The following PML variants were observed in gnomAD, a reference collection of about 807,000 sequenced individuals.
PML encodes PML nuclear body scaffold.
A neutral mutation model predicts 65.2 loss-of-function variants in PML; 28 were observed. The ratio of observed to expected loss-of-function variants is 0.43; its 90% CI spans 0.32 to 0.59. The LOEUF (loss-of-function observed/expected upper bound fraction) is 0.59, where lower values mean the gene tolerates loss of function less well. Among genes scored for constraint, PML ranks in the 20% least tolerant of loss-of-function variants. PML has a pLI of 0.08. For missense variants in PML, 1,021 were observed against 1,203.4 expected (o/e 0.85, Z 2.24); for synonymous variants, 500 against 508.8 (o/e 0.98, Z 0.23).
rs2070928858 is a variant in PML, at chr15:74,023,322, G to A, written c.1097G>A (p.Ser366Asn). The change falls in exon 3 of 9, where the codon AGC becomes AAC. Residue 366 changes from serine to asparagine, a missense_variant. Transcript: ENST00000268058. ...CGCCTGCGCCAGGAGGAGCCCCAGA[G>A]CCTGCAAGCTGCCGTGCGCACCGAT... Reference protein sequence around the residue: ...LCRLRQEEPQSLQAAVRTDGF... With the variant: ...LCRLRQEEPQNLQAAVRTDGF... The A allele has an allele frequency of 6.2e-7, 1 of 1,607,836 alleles. No individual in the cohort carries two copies. Among genetic ancestry groups the A allele is most frequent in the Non-Finnish European group, 8.5e-7 (1 of 1,179,834 alleles).
chr15:74,037,838 T>G lies in PML; in HGVS notation c.1710+3308T>G, dbSNP rs1385745076. Reference sequence around the variant, plus strand: ...AGTCTGTGTATTCTCCCAGGTGCTCTCAGCCACGCCCCTGACTTCAGTTAC... The same window carrying G: ...AGTCTGTGTATTCTCCCAGGTGCTCGCAGCCACGCCCCTGACTTCAGTTAC... On this transcript the variant is annotated intron_variant, in intron 7 of 8. Coordinates refer to ENST00000268058, the MANE Select transcript of PML (RefSeq NM_033238.3). This position sits in a 1 kb window ranked among gnomAD's most constrained non-coding sequence, Gnocchi z 4.2. The G allele has an allele frequency of 2.1e-6, 1 of 478,374 alleles. No homozygotes were observed. Among genetic ancestry groups the G allele is most frequent in the Non-Finnish European group, 2.7e-6 (1 of 366,424 alleles). The allele number at this position is 478,374 out of a possible 1,614,324, so 29.6% of individuals were successfully genotyped here.
In PML at chr15:73,998,125, C is replaced by T. The variant is rs771298279; in HGVS notation, c.251C>T (p.Ser84Leu). Reference sequence around the variant, plus strand: ...CTGTGCTCAGGATGCCTGGAGGCGTCGGGCATGCAGTGCCCCATCTGCCAG... The same window carrying T: ...CTGTGCTCAGGATGCCTGGAGGCGTTGGGCATGCAGTGCCCCATCTGCCAG... ...HTLCSGCLEA[S>L]GMQCPICQAP... Residue 84 changes from serine (S) to leucine (L), a missense_variant, in exon 2 of 9, where the codon TCG becomes TTG. Ser to Leu is a moderately radical substitution (Grantham distance 145). Coordinates refer to ENST00000268058, the MANE Select transcript of PML (RefSeq NM_033238.3). 1.2e-6 allele frequency: 2 copies of T among 1,614,044 alleles called. No homozygotes were observed. Among genetic ancestry groups the T allele is most frequent in the East Asian group, 2.2e-5 (1 of 44,888 alleles).
At chr15:74,014,409 G>T (rs1049449495) in intron 2 of PML, among the ~76,000 whole-genome samples, 1 of 151,732 alleles carries the variant, frequency 6.6e-6, no homozygotes, top group African/African-American at 2.4e-5. Flanking sequence ...TCAGCTCACT[G>T]CAACCTCTGC....
chr15:74,046,477 A>C lies in PML; in HGVS notation c.*1469A>C. On this transcript the variant is annotated 3_prime_UTR_variant, in exon 9 of 9. Transcript: ENST00000268058. ...TGTACCCATACTGCAGCCCCATCCC[A>C]TGGGGCCCCTGAAGACCCACTGAGG... 1 of 231,494 alleles carries C rather than the reference A, an allele frequency of 4.3e-6. No individual in the cohort carries two copies. The highest frequency in any genetic ancestry group is 8.6e-6 in the Non-Finnish European group (1 of 116,958). The allele number at this position is 231,494 out of a possible 1,614,324, so 14.3% of individuals were successfully genotyped here.
intron 3 of PML, 54 bp downstream of exon 3, chr15:74,023,462 GAAGGC>G: frequency 7.2e-7 from 1 of 1,384,594 alleles, no homozygotes; most frequent in Non-Finnish European, 1.0e-6. Flanking sequence ...GCACCCTAGG[GAAGGC>G]GAGTCAGAAG....
intron 2 of PML, among the ~76,000 whole-genome samples, chr15:74,018,460 T>G (rs902198691): frequency 2.0e-5 from 3 of 152,180 alleles, no homozygotes; most frequent in African/African-American, 4.8e-5. Context: ...TTTAGTCTTA[T>G]CTCTTAGTAG....
intron 7 of PML, chr15:74,036,035 G>GC (rs763544092): frequency 1.2e-6 from 2 of 1,614,012 alleles, no homozygotes; most frequent in Non-Finnish European, 1.7e-6. Flanking sequence ...GCTCTTACAG[G>GC]CCCTGCACAG....
intron 7 of PML, chr15:74,037,000 C>T (rs1274486575): frequency 2.0e-6 from 2 of 985,352 alleles, no homozygotes; most frequent in Non-Finnish European, 2.4e-6. Flanking sequence ...AATTGCAGCT[C>T]CCTGCCCAGC....
intron 4 of PML, chr15:74,027,695 T>C (rs1386853391): frequency 6.6e-6 from 1 of 152,256 alleles, no homozygotes; most frequent in Non-Finnish European, 1.5e-5. Flanking sequence ...CTAGGTATTT[T>C]GGGTCTTTGT....
intron 1 of PML, among the ~76,000 whole-genome samples, chr15:73,995,219 C>T (rs889041119): frequency 2.0e-5 from 3 of 152,244 alleles, no homozygotes; most frequent in Non-Finnish European, 4.4e-5. Context: ...CAGTGGCCTC[C>T]GGGCCTGGGC....
rs752452667 is a variant in PML at position 74,044,912 on chromosome 15, A to G, written c.2553A>G (p.Glu851=). 6.2e-6 allele frequency: 10 copies of G among 1,613,502 alleles called. No individual in the cohort carries two copies. Among genetic ancestry groups the G allele is most frequent in the Non-Finnish European group, 8.5e-6 (10 of 1,180,010 alleles). ...FNLQALGTYF[E]GLLEGPALAR... ...TGCAGGCTCTGGGCACCTACTTTGAAGGCCTGTTGGAGGGTCCGGCGCTGG... is the reference window on the plus strand; with the variant it reads ...TGCAGGCTCTGGGCACCTACTTTGAGGGCCTGTTGGAGGGTCCGGCGCTGG... Residue 851 remains glutamate (E), a synonymous_variant, in exon 9 of 9, where the codon GAA becomes GAG. Transcript: ENST00000268058.
intron 7 of PML, chr15:74,041,293 GGA>G (rs2071690333): frequency 4.6e-5 from 7 of 152,286 alleles, no homozygotes; most frequent in Admixed American, 3.9e-4. Context: ...AGTGAAGCCT[GGA>G]GAGAGGAAAC....
chr15:74,043,577 A>T lies in PML; in HGVS notation c.1861+438A>T, dbSNP rs2071737128. The stretch of plus-strand genomic sequence containing the variant: ...CCCACAGATCCAAGGTCACAGAGGG[A>T]TCAGACCCCTTATCCTGGAAGCCCC... On this transcript the variant is annotated intron_variant, in intron 8 of 8. Coordinates refer to ENST00000268058, the MANE Select transcript of PML (RefSeq NM_033238.3). This position sits in a 1 kb window ranked among gnomAD's most constrained non-coding sequence, Gnocchi z 4.3. 6.6e-6 allele frequency among the ~76,000 whole-genome samples: 1 copy of T among 152,162 alleles called. No individual in the cohort carries two copies. The highest frequency in any genetic ancestry group is 1.5e-5 in the Non-Finnish European group (1 of 68,028).
In PML at chr15:74,035,316, C is replaced by A; in HGVS notation, c.1710+786C>A. The A allele has an allele frequency of 6.2e-7, 1 of 1,612,838 alleles. No homozygotes were observed. The highest frequency in any genetic ancestry group is 1.1e-5 in the South Asian group (1 of 91,072). On this transcript the variant is annotated intron_variant, in intron 7 of 8. Coordinates refer to ENST00000268058, the MANE Select transcript of PML (RefSeq NM_033238.3). The surrounding 1 kb of genome is among the most constrained non-coding windows in gnomAD (Gnocchi z 4.1). Reference sequence around the variant, plus strand: ...CAGCCTGCCCTGTGGCACATACCACCCCCCAGCTTGGCCTCCCCACCAGCC... The same window carrying A: ...CAGCCTGCCCTGTGGCACATACCACACCCCAGCTTGGCCTCCCCACCAGCC...
At chr15:74,011,113 G>A (rs1349597252) in intron 2 of PML, among the ~76,000 whole-genome samples, 1 of 152,162 alleles carries the variant, frequency 6.6e-6, no homozygotes, top group Non-Finnish European at 1.5e-5. Context: ...TTCCAAGACT[G>A]GTCCATTCAC....
chr15:74,034,926 A>G (rs2071476622), intron 7 of PML: 5 of 1,443,620 alleles, frequency 3.5e-6, no homozygotes, highest in African/African-American at 2.9e-5. Context: ...GTCAGGCCAC[A>G]GGGCAGCTAT....
At chr15:73,995,557 C>G (rs931292484) in intron 1 of PML, among the ~76,000 whole-genome samples, 1 of 152,186 alleles carries the variant, frequency 6.6e-6, no homozygotes, top group Non-Finnish European at 1.5e-5. Context: ...CCTTTCAGGC[C>G]CTTTTACTCC....
In PML at chr15:74,010,185, A is replaced by ATTTTTTTTTTT. The variant is rs536738558; in HGVS notation, c.602+11727_602+11737dup. 3.3e-3 allele frequency among the ~76,000 whole-genome samples: 255 copies of ATTTTTTTTTTT among 77,902 alleles called. 16 individuals carry two copies. The highest frequency in any genetic ancestry group is 7.1e-3 in the East Asian group (16 of 2,238). 51.1% of individuals were successfully genotyped at this position (77,902 alleles called of 152,430 possible). Reference sequence around the variant, plus strand: ...AGACATGCACCACCATGCCCAGCTAATTTTTTTTTTTTTTTTTTTTTTTTT... The same window carrying ATTTTTTTTTTT: ...AGACATGCACCACCATGCCCAGCTAATTTTTTTTTTTTTTTTTTTTTTTTTTTTTTTTTTTT... On this transcript the variant is annotated intron_variant, in intron 2 of 8. Coordinates refer to ENST00000268058, the MANE Select transcript of PML (RefSeq NM_033238.3).
In PML at chr15:74,042,696, C is replaced by G. The variant is rs1265590850; in HGVS notation, c.1711-293C>G. On this transcript the variant is annotated intron_variant, in intron 7 of 8. Transcript: ENST00000268058. The surrounding 1 kb of genome is among the most constrained non-coding windows in gnomAD (Gnocchi z 5.3). ...ACTGTGCATGCACACACAGATTTAG[C>G]ACTTGGATTCATTCCCACACATGCA... 1 of 985,274 alleles carries G rather than the reference C, an allele frequency of 1.0e-6. No homozygotes were observed. 61.0% of individuals were successfully genotyped at this position (985,274 alleles called of 1,614,324 possible).
Sources: allele counts gnomAD v4.1 joint callset (sites outside exome capture counted in the v4.1 genomes callset), GRCh38; gene constraint gnomAD v4.1.1; non-coding constraint Gnocchi (gnomAD v3.1); transcripts MANE v1.5; gene names NCBI Gene and HGNC (gene_info 2026-07-23, HGNC 2026-07-21).